Variants in NAV3 observed in about 807,000 individuals in gnomAD.
NAV3 encodes neuron navigator 3.
A neutral mutation model predicts 244.7 loss-of-function variants in NAV3; 87 were observed. The ratio of observed to expected loss-of-function variants is 0.36; its 90% CI spans 0.30 to 0.42. NAV3 has a LOEUF of 0.42. Ranked by LOEUF, NAV3 falls within the 20% of genes least tolerant of loss-of-function variation. The pLI is 1.00. For missense variants in NAV3, 2,663 were observed against 2,893.3 expected (o/e 0.92, Z 1.83); for synonymous variants, 1,126 against 1,042.2 (o/e 1.08, Z -1.55).
At chr12:77,905,102 T>C (rs1413675320) in intron 1 of NAV3, among the ~76,000 whole-genome samples, 1 of 152,158 alleles carries the variant, frequency 6.6e-6, no homozygotes, top group Non-Finnish European at 1.5e-5. Context: ...AATTATTTCA[T>C]TGAAAGTTCA....
intron 1 of NAV3, among the ~76,000 whole-genome samples, chr12:77,865,193 A>G (rs1332278722): frequency 6.6e-6 from 1 of 152,070 alleles, no homozygotes; most frequent in Non-Finnish European, 1.5e-5. Flanking sequence ...ACTAAAATTT[A>G]TTCATTCTAC....
At chr12:77,935,229 A>T (rs1889211102) in intron 1 of NAV3, among the ~76,000 whole-genome samples, 1 of 152,200 alleles carries the variant, frequency 6.6e-6, no homozygotes, top group Non-Finnish European at 1.5e-5. Flanking sequence ...TAGTAAAAAA[A>T]AATCACAAAT....
At chr12:77,904,410 C>A (rs1210165830) in intron 1 of NAV3, among the ~76,000 whole-genome samples, 3 of 151,992 alleles carry the variant, frequency 2.0e-5, no homozygotes, top group African/African-American at 4.8e-5. Flanking sequence ...AACCAAACAC[C>A]GCATGTTCTC....
chr12:77,617,731 T>C (rs1182088112), intron 2 of NAV3, among the ~76,000 whole-genome samples: 1 of 152,136 alleles, frequency 6.6e-6, no homozygotes, highest in Non-Finnish European at 1.5e-5. Flanking sequence ...GTGGGTAAGA[T>C]AGATGAAATT....
At chr12:77,778,334 C>T (rs977593997) in intron 2 of NAV3, among the ~76,000 whole-genome samples, 3 of 151,034 alleles carry the variant, frequency 2.0e-5, no homozygotes, top group African/African-American at 4.9e-5. Flanking sequence ...ATTTATAGGC[C>T]GGGCGCGGTG....
chr12:77,915,240 T>C (rs1262715651), intron 1 of NAV3, among the ~76,000 whole-genome samples: 1 of 152,052 alleles, frequency 6.6e-6, no homozygotes, highest in Non-Finnish European at 1.5e-5. Flanking sequence ...TTTAATACAA[T>C]AGTGGACAAA....
At chr12:78,197,552 ACCATGAT>A in intron 35 of NAV3, 151 bp downstream of exon 35, 3 of 537,880 alleles carry the variant, frequency 5.6e-6, no homozygotes, top group Non-Finnish European at 9.3e-6. Flanking sequence ...GATTGTGTAC[ACCATGAT>A]GTTTTGAAGT....
intron 2 of NAV3, among the ~76,000 whole-genome samples, chr12:77,606,973 T>C (rs1490355849): frequency 6.6e-6 from 1 of 152,086 alleles, no homozygotes; most frequent in Non-Finnish European, 1.5e-5. Context: ...TCCTGAAAAC[T>C]GATTGGATTC....
chr12:78,096,995 C>A (rs778862103), intron 12 of NAV3, among the ~76,000 whole-genome samples: 7 of 152,140 alleles, frequency 4.6e-5, no homozygotes, highest in Non-Finnish European at 1.0e-4. Flanking sequence ...TTAGCAACAA[C>A]AATCTGTGGA....
chr12:77,878,092 G>A lies in NAV3; in HGVS notation c.243+46388G>A, dbSNP rs1882093989. 2.0e-5 allele frequency among the ~76,000 whole-genome samples: 3 copies of A among 152,160 alleles called. No individual in the cohort carries two copies. The South Asian group carries it at 6.2e-4, about 32-fold the overall frequency. The stretch of plus-strand genomic sequence containing the variant: ...CAAGGGGAGTCTAAGAAACTGGTAG[G>A]AAAAAGAGCCTAAGGGGATATGCCA... On this transcript the variant is annotated intron_variant, in intron 1 of 39. Coordinates refer to ENST00000397909, the MANE Select transcript of NAV3 (RefSeq NM_001024383.2).
chr12:77,723,808 T>C (rs1344304936), intron 2 of NAV3, among the ~76,000 whole-genome samples: 1 of 135,750 alleles, frequency 7.4e-6, no homozygotes, highest in Non-Finnish European at 1.6e-5. Flanking sequence ...TAGGTCCCAT[T>C]AATTAGAATT....
chr12:77,787,849 T>A (rs1038674971), intron 2 of NAV3, among the ~76,000 whole-genome samples: 1 of 152,250 alleles, frequency 6.6e-6, no homozygotes, highest in African/African-American at 2.4e-5. Flanking sequence ...TCTGTAAATA[T>A]GTACATTTCA....
At chr12:77,882,710 A>G (rs1037057265) in intron 1 of NAV3, among the ~76,000 whole-genome samples, 9 of 152,184 alleles carry the variant, frequency 5.9e-5, no homozygotes, top group African/African-American at 2.2e-4. Flanking sequence ...TTTAAAATCT[A>G]TAAGGAATTT....
chr12:77,989,678 G>T (rs117634596), intron 5 of NAV3, among the ~76,000 whole-genome samples: 3,976 of 152,172 alleles, frequency 0.026, 72 homozygotes, highest in Non-Finnish European at 0.039. Flanking sequence ...AAGACCAGTG[G>T]GTTAATTGGT....
In NAV3 at chr12:77,850,617, A is replaced by G. The variant is rs144449167; in HGVS notation, c.243+18913A>G. ...GTTTGAGAAAGCCTCATTAGAGTAA[A>G]AGATTAGTAAATTTCAAGGTCAAAT... On this transcript the variant is annotated intron_variant, in intron 1 of 39. Coordinates refer to ENST00000397909, the MANE Select transcript of NAV3 (RefSeq NM_001024383.2). Among the ~76,000 whole-genome samples the G allele has an allele frequency of 4.9e-3, 753 of 152,272 alleles. 7 individuals are homozygous for G. Among genetic ancestry groups the G allele is most frequent in the African/African-American group, 0.017 (721 of 41,568 alleles).
intron 1 of NAV3, among the ~76,000 whole-genome samples, chr12:77,861,829 A>G (rs1592813739): frequency 1.3e-5 from 2 of 151,816 alleles, no homozygotes; most frequent in East Asian, 1.9e-4. Flanking sequence ...AGAGTCCACA[A>G]TTGTAAAAAT....
chr12:78,120,981 A>G (rs139148466), intron 15 of NAV3, among the ~76,000 whole-genome samples: 1 of 152,326 alleles, frequency 6.6e-6, no homozygotes, highest in African/African-American at 2.4e-5. Context: ...TTTTTAAAAT[A>G]CTGATTCTCA....
chr12:78,146,659 A>G (rs1956876347), intron 21 of NAV3, among the ~76,000 whole-genome samples: 1 of 152,124 alleles, frequency 6.6e-6, no homozygotes, highest in Non-Finnish European at 1.5e-5. Context: ...GTAAGCACTC[A>G]TTAAGTCATT....
In NAV3 at chr12:78,118,281, T is replaced by C. The variant is rs780196114; in HGVS notation, c.3024T>C (p.Ser1008=). 8 of 1,606,896 alleles carry C rather than the reference T, an allele frequency of 5.0e-6. No individual in the cohort carries two copies. The African/African-American group carries it at 5.4e-5, about 11-fold the overall frequency. Residue 1008 remains serine (S), a synonymous_variant, in exon 14 of 40, where the codon AGT becomes AGC. Coordinates refer to ENST00000397909, the MANE Select transcript of NAV3 (RefSeq NM_001024383.2). ...CATCTAGGCAGAAAGCTGGAACAAG[T>C]GCACTCAAAACACCCGGTAGGCTTG... ...GAPSRQKAGT[S]ALKTPGKTDD...
Sources: gnomAD v4.1 joint callset for allele counts (sites outside exome capture counted in the v4.1 genomes callset) on GRCh38, gnomAD v4.1.1 for gene constraint, MANE v1.5 for transcripts, NCBI Gene and HGNC (gene_info 2026-07-23, HGNC 2026-07-21) for gene names.